The following RIMS1 variants were observed in gnomAD, a reference collection of about 807,000 sequenced individuals.
RIMS1 encodes regulating synaptic membrane exocytosis 1.
RIMS1 carries 83 observed loss-of-function variants against 214.1 expected under a neutral mutation model. The observed-to-expected ratio is 0.39, with a 90% CI of 0.32 to 0.47. The LOEUF is 0.47. RIMS1 is among the 20% of genes least tolerant of loss of function. The pLI is 0.99. For synonymous variants in RIMS1, 793 were observed against 786.8 expected (o/e 1.01, Z -0.13); for missense variants, 2,050 against 2,161.8 (o/e 0.95, Z 1.03).
In RIMS1 at chr6:71,886,766, G is replaced by A. The variant is rs556877956; in HGVS notation, c.-258G>A. 3 of 314,176 alleles carry A rather than the reference G, an allele frequency of 9.5e-6. No homozygotes were observed. Among genetic ancestry groups the A allele is most frequent in the South Asian group, 2.5e-4 (2 of 7,912 alleles). 19.5% of individuals were successfully genotyped at this position (314,176 alleles called of 1,614,324 possible). The stretch of plus-strand genomic sequence containing the variant: ...CGAGGCTGGGCTGCGGGAGGCGGCC[G>A]GGCGGCCCCGAGCTTCGCTAGGGCG... On this transcript the variant is annotated 5_prime_UTR_variant, in exon 1 of 34. Coordinates refer to ENST00000521978, the MANE Select transcript of RIMS1 (RefSeq NM_014989.7).
chr6:72,137,150 A>T (rs1329474675), intron 4 of RIMS1, among the ~76,000 whole-genome samples: 1 of 152,070 alleles, frequency 6.6e-6, no homozygotes, highest in Non-Finnish European at 1.5e-5. Flanking sequence ...AAAATCCCAT[A>T]TGTATATCCC....
At position 72,380,349 on chromosome 6, in the gene RIMS1, A is replaced by T. The variant is rs143135858; in HGVS notation, c.4367-10249A>T. On this transcript the variant is annotated intron_variant, in intron 29 of 33. Coordinates refer to ENST00000521978, the MANE Select transcript of RIMS1 (RefSeq NM_014989.7). ...CAACATGGCACATGTATACATATGT[A>T]ACAAACCTGCATGTTGTGTACATGT... is the stretch of plus-strand genomic sequence containing the variant. Among the ~76,000 whole-genome samples, 316 of 152,316 alleles carry T rather than the reference A, an allele frequency of 2.1e-3. 3 individuals carry two copies. The highest frequency in any genetic ancestry group is 6.1e-3 in the African/African-American group (253 of 41,556).
At chr6:72,102,401 TC>T (rs1051122611) in intron 4 of RIMS1, among the ~76,000 whole-genome samples, 7 of 151,992 alleles carry the variant, frequency 4.6e-5, no homozygotes, top group Non-Finnish European at 8.8e-5. Context: ...TCTTATTCTT[TC>T]AACATATGAA....
chr6:71,893,322 T>C (rs1032925747), intron 1 of RIMS1, among the ~76,000 whole-genome samples: 3 of 152,032 alleles, frequency 2.0e-5, no homozygotes, highest in Non-Finnish European at 4.4e-5. Flanking sequence ...TTTTCTTTTT[T>C]TTTTTCCCCT....
At chr6:72,025,049 T>G (rs2151964957) in intron 2 of RIMS1, among the ~76,000 whole-genome samples, 1 of 151,718 alleles carries the variant, frequency 6.6e-6, no homozygotes, top group East Asian at 1.9e-4. Flanking sequence ...GACTACAGGC[T>G]TCTGCCACCA....
At chr6:71,948,444 T>C (rs1788517516) in intron 1 of RIMS1, among the ~76,000 whole-genome samples, 1 of 152,214 alleles carries the variant, frequency 6.6e-6, no homozygotes. Context: ...CCTTTTGCCC[T>C]GGCAATTTAT....
chr6:72,153,579 T>G (rs144681607), intron 4 of RIMS1, among the ~76,000 whole-genome samples: 1 of 152,270 alleles, frequency 6.6e-6, no homozygotes, highest in African/African-American at 2.4e-5. Flanking sequence ...CAATAAATTA[T>G]GCAATGAAAT....
chr6:72,005,006 C>G (rs1182212675), intron 2 of RIMS1, among the ~76,000 whole-genome samples: 1 of 151,686 alleles, frequency 6.6e-6, no homozygotes, highest in African/African-American at 2.4e-5. Context: ...GGTTTTAGGT[C>G]TAACATTTAA....
At chr6:72,302,069 A>G (rs1348677443) in intron 26 of RIMS1, among the ~76,000 whole-genome samples, 2 of 151,582 alleles carry the variant, frequency 1.3e-5, no homozygotes, top group Non-Finnish European at 3.0e-5. Flanking sequence ...AACTGCTGGA[A>G]GGTTCTCTGA....
At chr6:72,023,777 TATAGAGATATTTACTTC>T (rs527531074) in intron 2 of RIMS1, among the ~76,000 whole-genome samples, 32 of 152,134 alleles carry the variant, frequency 2.1e-4, no homozygotes, top group African/African-American at 4.6e-4. Context: ...ATGCTGAATT[TATAGAGATATTTACTTC>T]ATAGAGATAT....
At chr6:71,948,089 A>G (rs997472301) in intron 1 of RIMS1, among the ~76,000 whole-genome samples, 2 of 152,160 alleles carry the variant, frequency 1.3e-5, no homozygotes, top group Non-Finnish European at 2.9e-5. Flanking sequence ...TGAGACATCA[A>G]TTGAAATCAA....
intron 1 of RIMS1, among the ~76,000 whole-genome samples, chr6:71,951,483 T>TCTTTTTC (rs57378702): frequency 0.21 from 26,026 of 123,384 alleles, 2,639 homozygotes; most frequent in East Asian, 0.33. Context: ...TTTTTCTTTT[T>TCTTTTTC]TTTTTTTTTT....
chr6:72,053,418 C>T (rs1300941945), intron 2 of RIMS1, among the ~76,000 whole-genome samples: 10 of 152,162 alleles, frequency 6.6e-5, no homozygotes, highest in South Asian at 2.1e-4. Context: ...TTACTCTTTA[C>T]GAGTGACCCA....
intron 4 of RIMS1, among the ~76,000 whole-genome samples, chr6:72,122,119 T>G (rs2038483238): frequency 6.6e-6 from 1 of 151,814 alleles, no homozygotes; most frequent in African/African-American, 2.4e-5. Context: ...AATTCTCTTT[T>G]TTTTGTTGTG....
chr6:72,214,685 A>T (rs906550938), intron 6 of RIMS1, among the ~76,000 whole-genome samples: 1 of 152,172 alleles, frequency 6.6e-6, no homozygotes, highest in African/African-American at 2.4e-5. Context: ...GTTTTATTTC[A>T]GTTGACTTGA....
chr6:72,034,756 A>T (rs1366932527), intron 2 of RIMS1, among the ~76,000 whole-genome samples: 1 of 152,124 alleles, frequency 6.6e-6, no homozygotes, highest in Non-Finnish European at 1.5e-5. Flanking sequence ...TGACTTATTA[A>T]CGAGTTAGGT....
intron 4 of RIMS1, among the ~76,000 whole-genome samples, chr6:72,177,545 C>A (rs995184034): frequency 5.3e-5 from 8 of 152,152 alleles, no homozygotes; most frequent in African/African-American, 1.9e-4. Flanking sequence ...AGCCACCACA[C>A]CTGGCTGAAA....
intron 4 of RIMS1, among the ~76,000 whole-genome samples, chr6:72,151,734 T>G (rs111536561): frequency 0.011 from 1,698 of 152,316 alleles, 10 homozygotes; most frequent in Non-Finnish European, 0.017. Flanking sequence ...TTCAGGGCAG[T>G]ACATTTTACT....
At position 72,085,556 on chromosome 6, in the gene RIMS1, T is replaced by G. The variant is rs529311547; in HGVS notation, c.246-11393T>G. On this transcript the variant is annotated intron_variant, in intron 2 of 33. Coordinates refer to ENST00000521978, the MANE Select transcript of RIMS1 (RefSeq NM_014989.7). ...TAAAGTTTCATTGGGATGATTATTT[T>G]TATGAAATGAGATGACAGATCTGTG... 4.3e-4 allele frequency among the ~76,000 whole-genome samples: 66 copies of G among 152,292 alleles called. 1 individual carries two copies. Among genetic ancestry groups the G allele is most frequent in the African/African-American group, 1.6e-3 (66 of 41,586 alleles).
Sources: allele counts gnomAD v4.1 joint callset (sites outside exome capture counted in the v4.1 genomes callset), GRCh38; gene constraint gnomAD v4.1.1; transcripts MANE v1.5; gene names NCBI Gene and HGNC (gene_info 2026-07-23, HGNC 2026-07-21).